ZNF250: variants seen among roughly 807,000 people sequenced by gnomAD.
ZNF250 encodes the protein zinc finger protein 250.
Under a neutral mutation model 37.1 loss-of-function variants are expected in ZNF250, and 13 were observed. The observed-to-expected ratio is 0.35, with a 90% CI of 0.23 to 0.56. ZNF250 has a LOEUF of 0.56. Ranked by LOEUF, ZNF250 falls within the 20% of genes least tolerant of loss-of-function variation. ZNF250 has a pLI of 0.87. For missense variants in ZNF250, 474 were observed against 697.9 expected (o/e 0.68, Z 3.61); for synonymous variants, 251 against 265.6 (o/e 0.94, Z 0.54).
intron 4 of ZNF250, among the ~76,000 whole-genome samples, chr8:144,887,892 A>G (rs2129761812): frequency 6.6e-6 from 1 of 152,358 alleles, no homozygotes; most frequent in South Asian, 2.1e-4. Context: ...TAAGAGGTAG[A>G]CTGTAATACC....
In ZNF250 at chr8:144,881,395, G is replaced by A; in HGVS notation, c.*120C>T. The A allele has an allele frequency of 7.2e-7, 1 of 1,396,120 alleles. No homozygotes were observed. The allele number at this position is 1,396,120 out of a possible 1,614,324, so 86.5% of individuals were successfully genotyped here. On this transcript the variant is annotated 3_prime_UTR_variant, in exon 6 of 6. Transcript: ENST00000417550. ...GTGCTTCTTTCTGGAGTTATTTTGTGACACTGAATCGCCAAAGAAAAGCTT... is the reference window on the plus strand; with the variant it reads ...GTGCTTCTTTCTGGAGTTATTTTGTAACACTGAATCGCCAAAGAAAAGCTT...
At chr8:144,898,439 G>A (rs1387255060) in intron 1 of ZNF250, among the ~76,000 whole-genome samples, 2 of 152,018 alleles carry the variant, frequency 1.3e-5, no homozygotes, top group African/African-American at 4.8e-5. Context: ...TCAACAAATA[G>A]CAACAAGAAA....
At chr8:144,889,885 C>A in intron 3 of ZNF250, 48 bp downstream of exon 3, 1 of 1,556,390 alleles carries the variant, frequency 6.4e-7, no homozygotes. Flanking sequence ...AGCCCCCACC[C>A]CAGTCCAATA....
rs1001359197 is a variant in ZNF250, at chr8:144,897,711, G to A, written c.-55+3688C>T. Reference sequence around the variant, plus strand: ...GAGCCCTGAACAGAGATTTACCCACGTATTTATTAACAGCAAGCCAGTCAT... The same window carrying A: ...GAGCCCTGAACAGAGATTTACCCACATATTTATTAACAGCAAGCCAGTCAT... On this transcript the variant is annotated intron_variant, in intron 1 of 5. Coordinates refer to ENST00000417550, the MANE Select transcript of ZNF250 (RefSeq NM_001109689.4). The surrounding 1 kb of genome is among the most constrained non-coding windows in gnomAD (Gnocchi z 5.2). Among the ~76,000 whole-genome samples, 19 of 152,174 alleles carry A rather than the reference G, an allele frequency of 1.2e-4. No homozygotes were observed. The highest frequency in any genetic ancestry group is 2.7e-4 in the African/African-American group (11 of 41,442).
At position 144,877,433 on chromosome 8, in the gene ZNF250, A is replaced by C. The variant is rs1831199836; in HGVS notation, c.*4082T>G. On this transcript the variant is annotated 3_prime_UTR_variant, in exon 6 of 6. Transcript: ENST00000417550. Reference sequence around the variant, plus strand: ...CTTCTGAATAAAACAAATCCAAAATAAAGGTGGAATGCTGCTGACAAATCA... The same window carrying C: ...CTTCTGAATAAAACAAATCCAAAATCAAGGTGGAATGCTGCTGACAAATCA... The C allele has an allele frequency of 6.6e-6, 1 of 152,236 alleles. No homozygotes were observed. The highest frequency in any genetic ancestry group is 2.1e-4 in the South Asian group (1 of 4,834). The allele number at this position is 152,236 out of a possible 1,614,324, so 9.4% of individuals were successfully genotyped here.
chr8:144,889,660 C>T lies in ZNF250; in HGVS notation c.204G>A (p.Gln68=). 1 of 1,613,976 alleles carries T rather than the reference C, an allele frequency of 6.2e-7. No homozygotes were observed. Among genetic ancestry groups the T allele is most frequent in the Non-Finnish European group, 8.5e-7 (1 of 1,179,868 alleles). ...CCCAGGGATCTTCCCCTCGCTCCAG[C>T]TGGGAGATTATGTCAGGCTTGGATC... ...LPGSKPDIIS[Q]LERGEDPWVL... is the part of the protein sequence containing the mutation. Residue 68 remains glutamine (Q), a synonymous_variant, in exon 4 of 6, where the codon CAG becomes CAA. Transcript: ENST00000417550.
rs994049392 is a variant in ZNF250, at chr8:144,891,124, G to T, written c.-54-721C>A. 2.0e-4 allele frequency among the ~76,000 whole-genome samples: 30 copies of T among 152,126 alleles called. No homozygotes were observed. Among genetic ancestry groups the T allele is most frequent in the Admixed American group, 1.4e-3 (21 of 15,268 alleles). ...AAGGTATCTGACACACACCCAAACA[G>T]CTGGGAAAAAGGGGGAGCGGGGCAA... On this transcript the variant is annotated intron_variant, in intron 1 of 5. Transcript: ENST00000417550. The surrounding 1 kb of genome is among the most constrained non-coding windows in gnomAD (Gnocchi z 4.0).
Position 144,882,090 on chromosome 8 carries a change from T to A in ZNF250, c.1093A>T (p.Ser365Cys). 1 of 1,613,662 alleles carries A rather than the reference T, an allele frequency of 6.2e-7. No homozygotes were observed. Among genetic ancestry groups the A allele is most frequent in the South Asian group, 1.1e-5 (1 of 91,034 alleles). Residue 365 changes from serine to cysteine, a missense_variant, in exon 6 of 6, where the codon AGC becomes TGC. Physicochemically the swap from Ser to Cys is moderately radical, Grantham distance 112 (BLOSUM62 -1). Transcript: ENST00000417550. This position sits in a 1 kb window ranked among gnomAD's most constrained non-coding sequence, Gnocchi z 5.5. ...TCGCTGAAGGCCTTCCCACACTCGC[T>A]GCACGTGTAGGGCTTCTCCCCGGTG... is the stretch of plus-strand genomic sequence containing the variant. ...IHTGEKPYTC[S>C]ECGKAFSDRS...
chr8:144,894,314 C>T (rs1441807103), intron 1 of ZNF250, among the ~76,000 whole-genome samples: 2 of 152,114 alleles, frequency 1.3e-5, no homozygotes, highest in Non-Finnish European at 2.9e-5. Flanking sequence ...GTCTGCCCAG[C>T]CCCTCCATCT....
Position 144,897,314 on chromosome 8 carries a change from G to A in ZNF250, c.-55+4085C>T, listed in dbSNP as rs938244976. ...CTTCATCACCAAGGAGCCCCTACCC[G>A]CTAGGGTGAAAGCACTTTCAAGAGA... On this transcript the variant is annotated intron_variant, in intron 1 of 5. Coordinates refer to ENST00000417550, the MANE Select transcript of ZNF250 (RefSeq NM_001109689.4). The surrounding 1 kb of genome is among the most constrained non-coding windows in gnomAD (Gnocchi z 5.2). Among the ~76,000 whole-genome samples the A allele has an allele frequency of 3.3e-5, 5 of 152,160 alleles. No homozygotes were observed. Among genetic ancestry groups the A allele is most frequent in the South Asian group, 4.1e-4 (2 of 4,830 alleles).
chr8:144,893,954 A>G (rs2129845274), intron 1 of ZNF250, among the ~76,000 whole-genome samples: 1 of 152,272 alleles, frequency 6.6e-6, no homozygotes, highest in East Asian at 1.9e-4. Context: ...GCTGCTAGGC[A>G]TGGTTGTCCT....
chr8:144,893,235 C>A (rs1459155443), intron 1 of ZNF250, among the ~76,000 whole-genome samples: 1 of 152,148 alleles, frequency 6.6e-6, no homozygotes, highest in Non-Finnish European at 1.5e-5. Context: ...TGCTCCTGGT[C>A]CCCCTGTCTG....
At chr8:144,896,820 G>C (rs1832759788) in intron 1 of ZNF250, among the ~76,000 whole-genome samples, 2 of 152,138 alleles carry the variant, frequency 1.3e-5, no homozygotes, top group African/African-American at 2.4e-5. Context: ...CCCCTCTTGA[G>C]GCCATGCCAA....
rs1349173074 is a variant in ZNF250, at chr8:144,899,074, C to T, written c.-55+2325G>A. 2.6e-5 allele frequency among the ~76,000 whole-genome samples: 4 copies of T among 152,082 alleles called. No individual in the cohort carries two copies. In the East Asian group the frequency reaches 5.8e-4, roughly 22 times the overall value. On this transcript the variant is annotated intron_variant, in intron 1 of 5. Transcript: ENST00000417550. ...AAAAATAAGGAAATTATGTCATTTGCAGCAACAGGGATGGAACTGGAGGTC... is the reference window on the plus strand; with the variant it reads ...AAAAATAAGGAAATTATGTCATTTGTAGCAACAGGGATGGAACTGGAGGTC...
Position 144,886,843 on chromosome 8 carries a change from A to C in ZNF250, c.343T>G (p.Trp115Gly). ...AAAAGATCAGGCATACACTTACCCC[A>C]TGGACAAGATAAACTGTCTTGTTGT... is the stretch of plus-strand genomic sequence containing the variant. ...CTQQDSLSCPWECETKGESQN... is the reference protein window; with the variant it reads ...CTQQDSLSCPGECETKGESQN... Residue 115 changes from tryptophan to glycine, a missense_variant, in exon 5 of 6, where the codon TGG becomes GGG. Trp to Gly is a radical substitution (Grantham distance 184). Around this residue, in one of 2 missense-constraint regions of ZNF250, gnomAD observed 192 missense variants for 227.5 expected, o/e 0.84. Coordinates refer to ENST00000417550, the MANE Select transcript of ZNF250 (RefSeq NM_001109689.4). 1 of 1,613,160 alleles carries C rather than the reference A, an allele frequency of 6.2e-7. No homozygotes were observed. The highest frequency in any genetic ancestry group is 1.1e-5 in the South Asian group (1 of 91,078).
At position 144,890,192 on chromosome 8, in the gene ZNF250, C is replaced by T; in HGVS notation, c.42+116G>A. 1.3e-6 allele frequency: 2 copies of T among 1,500,352 alleles called. No homozygotes were observed. Among genetic ancestry groups the T allele is most frequent in the Non-Finnish European group, 1.8e-6 (2 of 1,099,624 alleles). The allele number at this position is 1,500,352 out of a possible 1,614,324, so 92.9% of individuals were successfully genotyped here. A position where few individuals can be genotyped will look rare whatever the true frequency, so the allele number is the denominator to read the frequency against. ...AGCTGAGGTGGGTGATGGGAAGGGG[C>T]CGCGGAGTTCAGGGCATGTGGTGAC... On this transcript the variant is annotated intron_variant, in intron 2 of 5. Coordinates refer to ENST00000417550, the MANE Select transcript of ZNF250 (RefSeq NM_001109689.4). This position sits in a 1 kb window ranked among gnomAD's most constrained non-coding sequence, Gnocchi z 5.1.
rs940897535 is a variant in ZNF250 at position 144,880,001 on chromosome 8, G to A, written c.*1514C>T. 1 of 153,030 alleles carries A rather than the reference G, an allele frequency of 6.5e-6. No individual in the cohort carries two copies. The highest frequency in any genetic ancestry group is 1.5e-5 in the Non-Finnish European group (1 of 68,806). 9.5% of individuals were successfully genotyped at this position (153,030 alleles called of 1,614,324 possible). On this transcript the variant is annotated 3_prime_UTR_variant, in exon 6 of 6. Coordinates refer to ENST00000417550, the MANE Select transcript of ZNF250 (RefSeq NM_001109689.4). Reference sequence around the variant, plus strand: ...GAATTGCTTGAACCTGGGAGGTGGAGATTGCAGTGAGCTGAGATTGTGCCA... The same window carrying A: ...GAATTGCTTGAACCTGGGAGGTGGAAATTGCAGTGAGCTGAGATTGTGCCA...
chr8:144,895,412 T>A (rs1225146109), intron 1 of ZNF250, among the ~76,000 whole-genome samples: 1 of 152,096 alleles, frequency 6.6e-6, no homozygotes, highest in African/African-American at 2.4e-5. Context: ...CCAGCTGCAT[T>A]GAGGCCCCAC....
In ZNF250 at chr8:144,882,804, C is replaced by G. The variant is rs764883038; in HGVS notation, c.379G>C (p.Asp127His). The change falls in exon 6 of 6, where the codon GAC becomes CAC. Residue 127 changes from aspartate to histidine, a missense_variant. By Grantham distance (81) the Asp-to-His change is moderately conservative. Transcript: ENST00000417550. This position sits in a 1 kb window ranked among gnomAD's most constrained non-coding sequence, Gnocchi z 5.5. ...CETKGESQNT[D>H]LSPKPLISEQ... ...GAAATTAATGGCTTCGGACTCAAGT[C>G]TGTATTTTGACTCTCTCCCTTGGTT... is the stretch of plus-strand genomic sequence containing the variant. 6.2e-7 allele frequency: 1 copy of G among 1,612,630 alleles called. No homozygotes were observed. The highest frequency in any genetic ancestry group is 8.5e-7 in the Non-Finnish European group (1 of 1,179,214).
Sources: allele counts gnomAD v4.1 joint callset (sites outside exome capture counted in the v4.1 genomes callset), GRCh38; gene constraint gnomAD v4.1.1; regional missense constraint gnomAD v4.1.1; non-coding constraint Gnocchi (gnomAD v3.1); transcripts MANE v1.5; gene names NCBI Gene and HGNC (gene_info 2026-07-23, HGNC 2026-07-21).